The following MIPOL1 variants were observed in gnomAD, a reference collection of about 807,000 sequenced individuals.
The protein encoded by MIPOL1 is mirror-image polydactyly 1, also known as mirror-image polydactyly gene 1 protein.
Under a neutral mutation model 60.9 loss-of-function variants are expected in MIPOL1, and 57 were observed. That is an observed-to-expected ratio of 0.94 (90% CI 0.76 to 1.17). MIPOL1 has a LOEUF of 1.17. Ranked by LOEUF, MIPOL1 falls within the 50% of genes most tolerant of loss-of-function variation. The pLI is 0.00. For synonymous variants in MIPOL1, 179 were observed against 168.8 expected (o/e 1.06, Z -0.47); for missense variants, 551 against 511.6 (o/e 1.08, Z -0.74).
intron 10 of MIPOL1, among the ~76,000 whole-genome samples, chr14:37,371,659 G>A (rs2092642584): frequency 6.6e-6 from 1 of 151,996 alleles, no homozygotes; most frequent in Non-Finnish European, 1.5e-5. Flanking sequence ...GGTCTGTCTT[G>A]CATAACACTG....
At chr14:37,319,753 C>G (rs2088349246) in intron 9 of MIPOL1, among the ~76,000 whole-genome samples, 1 of 152,112 alleles carries the variant, frequency 6.6e-6, no homozygotes, top group African/African-American at 2.4e-5. Flanking sequence ...GCATCCTGAT[C>G]AAGATATGGA....
Position 37,380,127 on chromosome 14 carries a change from G to A in MIPOL1, c.936+10503G>A, listed in dbSNP as rs982880677. 4.6e-5 allele frequency among the ~76,000 whole-genome samples: 7 copies of A among 152,124 alleles called. 1 individual carries two copies. The highest frequency in any genetic ancestry group is 2.4e-5 in the African/African-American group (1 of 41,448). On this transcript the variant is annotated intron_variant, in intron 10 of 12. Transcript: ENST00000684589. ...TAGGCCTGGGTCCATGTAGACAGCT[G>A]TAGACTATGGGCAATCTGAAGTTAT...
At chr14:37,456,997 T>C (rs1245684374) in intron 11 of MIPOL1, among the ~76,000 whole-genome samples, 1 of 152,182 alleles carries the variant, frequency 6.6e-6, no homozygotes, top group Admixed American at 6.5e-5. Flanking sequence ...TCTTTACTAT[T>C]GAAAAGGACA....
intron 11 of MIPOL1, among the ~76,000 whole-genome samples, chr14:37,484,062 G>GTA (rs1183452180): frequency 6.6e-6 from 1 of 152,160 alleles, no homozygotes; most frequent in African/African-American, 2.4e-5. Flanking sequence ...AGAAAATGTA[G>GTA]TATATATATC....
chr14:37,253,874 A>ATTAG (rs1432640459), intron 3 of MIPOL1, among the ~76,000 whole-genome samples: 1 of 151,766 alleles, frequency 6.6e-6, no homozygotes, highest in Non-Finnish European at 1.5e-5. Context: ...AAATCTCCAG[A>ATTAG]TTAGTGGCAT....
chr14:37,538,271 T>G (rs1020101171), intron 12 of MIPOL1, among the ~76,000 whole-genome samples: 5 of 152,228 alleles, frequency 3.3e-5, no homozygotes, highest in Admixed American at 6.5e-5. Flanking sequence ...CATAATAACT[T>G]TCTGGAAAAG....
intron 1 of MIPOL1, among the ~76,000 whole-genome samples, chr14:37,221,176 G>A (rs1026807979): frequency 1.9e-4 from 29 of 152,142 alleles, no homozygotes; most frequent in African/African-American, 6.5e-4. Flanking sequence ...AGAATCTCAC[G>A]GTTTGGGTAA....
chr14:37,204,187 C>G (rs1346844206), intron 1 of MIPOL1, among the ~76,000 whole-genome samples: 1 of 152,036 alleles, frequency 6.6e-6, no homozygotes, highest in East Asian at 1.9e-4. Context: ...CACTTCGATT[C>G]CAGCCTTTTG....
rs994094338 is a variant in MIPOL1, at chr14:37,499,927, C to T, written c.1051C>T (p.Gln351Ter). 3 of 1,580,522 alleles carry T rather than the reference C, an allele frequency of 1.9e-6. No individual in the cohort carries two copies. The African/African-American group carries it at 4.1e-5, about 21-fold the overall frequency. Reference sequence around the variant, plus strand: ...TCTCAGTTTACACAAATCTTTATCTCAAGAAGAAAATCTGAAGGATCAGTT... The same window carrying T: ...TCTCAGTTTACACAAATCTTTATCTTAAGAAGAAAATCTGAAGGATCAGTT... ...VYYSLHKSLS[Q>*]EENLKDQFNY... The change falls in exon 12 of 13, where the codon CAA becomes TAA. Residue 351 changes from glutamine (Q) to a stop codon, truncating the protein, a stop_gained. Transcript: ENST00000684589. LOFTEE classifies it high-confidence loss of function.
chr14:37,379,768 A>G (rs1425971063), intron 10 of MIPOL1, among the ~76,000 whole-genome samples: 1 of 151,854 alleles, frequency 6.6e-6, no homozygotes, highest in Non-Finnish European at 1.5e-5. Context: ...AAAAATGTAA[A>G]TTTTTTTTGA....
At chr14:37,214,824 C>T (rs187505868) in intron 1 of MIPOL1, among the ~76,000 whole-genome samples, 32 of 152,168 alleles carry the variant, frequency 2.1e-4, no homozygotes, top group East Asian at 1.2e-3. Flanking sequence ...CGTGGTCTAG[C>T]GGTAGCATCA....
chr14:37,292,508 C>A (rs1191091838), intron 7 of MIPOL1, among the ~76,000 whole-genome samples: 1 of 76,556 alleles, frequency 1.3e-5, no homozygotes, highest in Non-Finnish European at 2.3e-5. Flanking sequence ...AGTCTTATAT[C>A]TTGCTGTTGT....
chr14:37,233,961 G>A (rs557262133), intron 1 of MIPOL1, among the ~76,000 whole-genome samples: 2 of 152,170 alleles, frequency 1.3e-5, no homozygotes, highest in Non-Finnish European at 2.9e-5. Context: ...GGTAGCCATT[G>A]CTTTGGTTGG....
intron 11 of MIPOL1, among the ~76,000 whole-genome samples, chr14:37,488,666 G>T (rs999463879): frequency 1.3e-4 from 20 of 152,258 alleles, no homozygotes; most frequent in African/African-American, 3.6e-4. Context: ...TTGCTTGTCT[G>T]TAAAGGATTT....
intron 12 of MIPOL1, among the ~76,000 whole-genome samples, chr14:37,529,534 ATATATAATGCTAGTAATATATTGC>A (rs2095467953): frequency 1.3e-5 from 2 of 152,200 alleles, no homozygotes; most frequent in Admixed American, 1.3e-4. Context: ...ATGTATGTAT[ATATATAATGCTAGTAATATATTGC>A]CATAATTTTC....
rs111764129 is a variant in MIPOL1 at position 37,397,331 on chromosome 14, A to G, written c.937-25524A>G. 2.3e-3 allele frequency among the ~76,000 whole-genome samples: 324 copies of G among 143,842 alleles called. 2 individuals are homozygous for G. Among genetic ancestry groups the G allele is most frequent in the African/African-American group, 7.6e-3 (297 of 39,302 alleles). 94.4% of individuals were successfully genotyped at this position (143,842 alleles called of 152,430 possible). A position where few individuals can be genotyped will look rare whatever the true frequency, so the allele number is the denominator to read the frequency against. ...CAGAGTCCTGTGATGTGAACTGTCT[A>G]TAGGTCTCTCAGTCCTGGATACCAG... On this transcript the variant is annotated intron_variant, in intron 10 of 12. Coordinates refer to ENST00000684589, the MANE Select transcript of MIPOL1 (RefSeq NM_001388067.1).
intron 9 of MIPOL1, among the ~76,000 whole-genome samples, chr14:37,353,776 G>A (rs867612526): frequency 3.3e-5 from 5 of 152,174 alleles, no homozygotes; most frequent in Admixed American, 6.5e-5. Context: ...TTTTTAATGC[G>A]TATATTTGAT....
At chr14:37,276,213 C>A (rs974637231) in intron 6 of MIPOL1, 4 of 150,886 alleles carry the variant, frequency 2.7e-5, no homozygotes, top group African/African-American at 7.3e-5. Flanking sequence ...TTTGATTTTT[C>A]TCTTTAAACA....
intron 10 of MIPOL1, among the ~76,000 whole-genome samples, chr14:37,386,571 A>G (rs2093074589): frequency 6.6e-6 from 1 of 152,032 alleles, no homozygotes; most frequent in South Asian, 2.1e-4. Context: ...ATACAAGTTT[A>G]CAGAAATTTG....
Sources: gnomAD v4.1 joint callset for allele counts (sites outside exome capture counted in the v4.1 genomes callset) on GRCh38, gnomAD v4.1.1 for gene constraint, MANE v1.5 for transcripts, NCBI Gene and HGNC (gene_info 2026-07-23, HGNC 2026-07-21) for gene names.